ZNF675: variants seen among roughly 807,000 people sequenced by gnomAD.
The protein encoded by ZNF675 is TRAF6 inhibitory zinc finger.
ZNF675 carries 36 observed loss-of-function variants against 56.1 expected under a neutral mutation model. The observed-to-expected ratio is 0.64, with a 90% CI of 0.49 to 0.85. The LOEUF (loss-of-function observed/expected upper bound fraction) is 0.85. ZNF675 is among the 40% of genes least tolerant of loss of function. The pLI is 0.00. For missense variants in ZNF675, 663 were observed against 654.2 expected (o/e 1.01, Z -0.15); for synonymous variants, 200 against 218.9 (o/e 0.91, Z 0.76).
At position 23,654,687 on chromosome 19, in the gene ZNF675, G is replaced by C; in HGVS notation, c.246C>G (p.Ala82=). The change falls in exon 4 of 4, where the codon GCC becomes GCG. Residue 82 remains alanine (A), a synonymous_variant. Coordinates refer to ENST00000359788, the MANE Select transcript of ZNF675 (RefSeq NM_138330.3). ...NEPPVMCSHF[A]QEFWPEQNIK... is the part of the protein sequence containing the mutation. ...TGTTCTGCTCTGGCCAAAACTCTTG[G>C]GCAAAATGAGAACACATTACTGAAA... 1 of 1,528,334 alleles carries C rather than the reference G, an allele frequency of 6.5e-7. No individual in the cohort carries two copies. The highest frequency in any genetic ancestry group is 1.3e-5 in the South Asian group (1 of 75,394). The allele number at this position is 1,528,334 out of a possible 1,614,324, so 94.7% of individuals were successfully genotyped here. A position where few individuals can be genotyped will look rare whatever the true frequency, so the allele number is the denominator to read the frequency against.
At chr19:23,665,771 T>C (rs1968143459) in intron 1 of ZNF675, among the ~76,000 whole-genome samples, 1 of 152,116 alleles carries the variant, frequency 6.6e-6, no homozygotes, top group Non-Finnish European at 1.5e-5. Flanking sequence ...AGTGCTGGGA[T>C]TAAAGGCATG....
intron 1 of ZNF675, among the ~76,000 whole-genome samples, chr19:23,664,249 T>C (rs189328221): frequency 2.8e-4 from 43 of 152,246 alleles, no homozygotes; most frequent in African/African-American, 9.6e-4. Flanking sequence ...TCACATGCGA[T>C]TCTCTGGACA....
At chr19:23,661,132 T>C (rs377664738) in intron 3 of ZNF675, among the ~76,000 whole-genome samples, 1 of 152,008 alleles carries the variant, frequency 6.6e-6, no homozygotes, top group Non-Finnish European at 1.5e-5. Flanking sequence ...GGTTTCACCA[T>C]GTTAGCCAGG....
chr19:23,684,653 A>T (rs992708573), intron 1 of ZNF675, among the ~76,000 whole-genome samples: 1 of 152,068 alleles, frequency 6.6e-6, no homozygotes, highest in Non-Finnish European at 1.5e-5. Context: ...TCAAAAAAAA[A>T]AGAAAACAGG....
intron 1 of ZNF675, among the ~76,000 whole-genome samples, chr19:23,669,442 G>A (rs1017500808): frequency 1.3e-5 from 2 of 151,542 alleles, no homozygotes; most frequent in African/African-American, 4.8e-5. Flanking sequence ...ATAAGTCAGA[G>A]GGTCCAAGCA....
At chr19:23,663,617 CT>C (rs1968111139) in intron 1 of ZNF675, among the ~76,000 whole-genome samples, 1 of 152,094 alleles carries the variant, frequency 6.6e-6, no homozygotes, top group African/African-American at 2.4e-5. Context: ...ACGAGAATGG[CT>C]TGAACCTGGG....
intron 1 of ZNF675, among the ~76,000 whole-genome samples, chr19:23,675,798 T>C (rs2144946218): frequency 6.6e-6 from 1 of 151,142 alleles, no homozygotes; most frequent in South Asian, 2.1e-4. Context: ...ATGAGAGAAG[T>C]GAGAGCAAAT....
intron 1 of ZNF675, among the ~76,000 whole-genome samples, chr19:23,680,080 G>A (rs992777436): frequency 8.6e-5 from 13 of 151,228 alleles, no homozygotes; most frequent in Admixed American, 2.0e-4. Context: ...AGGCCTAGGC[G>A]GGCAGATCAC....
In ZNF675 at chr19:23,687,092, C is replaced by T. The variant is rs963605909; in HGVS notation, c.-59G>A. The T allele has an allele frequency of 6.2e-7, 1 of 1,603,610 alleles. No individual in the cohort carries two copies. Among genetic ancestry groups the T allele is most frequent in the African/African-American group, 1.3e-5 (1 of 74,804 alleles). ...TGTGGATCTCTCAATTTCTGCAGGT[C>T]ACAGGCCCACAGAGGCTGGACCTCT... On this transcript the variant is annotated 5_prime_UTR_variant, in exon 1 of 4. Transcript: ENST00000359788.
Position 23,653,871 on chromosome 19 carries a change from T to C in ZNF675, c.1062A>G (p.Lys354=). The change falls in exon 4 of 4, where the codon AAA becomes AAG. Residue 354 remains lysine, a synonymous_variant. Transcript: ENST00000359788. ...TATGAATGTTTTTATGTTCAGTAAG[T>C]TTTGAGGATCGGTTAAAAGCTTTTC... ...ECGKAFNRSS[K]LTEHKNIHTG... is the part of the protein sequence containing the mutation. 1.2e-6 allele frequency: 2 copies of C among 1,613,578 alleles called. No homozygotes were observed. The highest frequency in any genetic ancestry group is 1.3e-5 in the African/African-American group (1 of 74,928).
intron 1 of ZNF675, among the ~76,000 whole-genome samples, chr19:23,666,788 CT>C (rs1968157086): frequency 9.3e-6 from 1 of 107,370 alleles, no homozygotes; most frequent in Non-Finnish European, 2.2e-5. Flanking sequence ...CTCTTTCTCT[CT>C]CTTTCTCTCT....
At chr19:23,664,798 CAA>C (rs201316772) in intron 1 of ZNF675, among the ~76,000 whole-genome samples, 1,703 of 151,638 alleles carry the variant, frequency 0.011, 35 homozygotes, top group African/African-American at 0.038. Flanking sequence ...TAAAAATACA[CAA>C]ATTAGCCAGG....
At chr19:23,676,243 G>C (rs1422986027) in intron 1 of ZNF675, among the ~76,000 whole-genome samples, 1 of 151,670 alleles carries the variant, frequency 6.6e-6, no homozygotes, top group Non-Finnish European at 1.5e-5. Context: ...CCCAGGACCA[G>C]ACGGACTTAC....
In ZNF675 at chr19:23,653,350, A is replaced by G; in HGVS notation, c.1583T>C (p.Ile528Thr). Residue 528 changes from isoleucine to threonine, a missense_variant, in exon 4 of 4, where the codon ATA (isoleucine) becomes ACA (threonine). By Grantham distance (89) the Ile-to-Thr change is moderately conservative (BLOSUM62 -1). Around this residue, in one of 3 missense-constraint regions of ZNF675, gnomAD observed 617 missense variants for 590.5 expected, o/e 1.04. Transcript: ENST00000359788. ...SRSSKLTEHK[I>T]IHTGEKPYKC... ...ATAGGGTTTCTCTCCAGTATGAATT[A>G]TCTTATGTTCAGTAAGTTTTGAGGA... The G allele has an allele frequency of 6.2e-7, 1 of 1,613,296 alleles. No individual in the cohort carries two copies. Among genetic ancestry groups the G allele is most frequent in the Non-Finnish European group, 8.5e-7 (1 of 1,179,848 alleles).
chr19:23,653,782 G>A lies in ZNF675; in HGVS notation c.1151C>T (p.Thr384Met), dbSNP rs200866824. 1.7e-4 allele frequency: 275 copies of A among 1,613,616 alleles called. 1 individual carries two copies. The highest frequency in any genetic ancestry group is 2.1e-4 in the Non-Finnish European group (252 of 1,179,908). The change falls in exon 4 of 4, where the codon ACG becomes ATG. Residue 384 changes from threonine (T) to methionine (M), a missense_variant. Around this residue, in one of 3 missense-constraint regions of ZNF675, gnomAD observed 617 missense variants for 590.5 expected, o/e 1.04. Transcript: ENST00000359788. ...TTCGGTATGAATTTTCCTATGTTCC[G>A]TAAGATTTGAGGATCGGTTAAAAGC... ...GKAFNRSSNL[T>M]EHRKIHTEEK... is the part of the protein sequence containing the mutation.
intron 1 of ZNF675, among the ~76,000 whole-genome samples, chr19:23,664,951 A>G (rs1968130436): frequency 6.6e-6 from 1 of 152,102 alleles, no homozygotes; most frequent in African/African-American, 2.4e-5. Flanking sequence ...ACTCCGTCTC[A>G]AAAACAAAAA....
At chr19:23,681,375 T>C (rs1968374307) in intron 1 of ZNF675, among the ~76,000 whole-genome samples, 1 of 151,586 alleles carries the variant, frequency 6.6e-6, no homozygotes, top group African/African-American at 2.4e-5. Context: ...GTGGTAGCTG[T>C]GGGAAAGTGG....
Position 23,687,046 on chromosome 19 carries a change from A to C in ZNF675, c.-13T>G. Reference sequence around the variant, plus strand: ...TAACTCTCACCATTTCTAGGCTTCCAGGGGGTCCTGGAGTCTTAGCTGTGG... The same window carrying C: ...TAACTCTCACCATTTCTAGGCTTCCCGGGGGTCCTGGAGTCTTAGCTGTGG... On this transcript the variant is annotated 5_prime_UTR_variant, in exon 1 of 4. Transcript: ENST00000359788. 1 of 1,613,396 alleles carries C rather than the reference A, an allele frequency of 6.2e-7. No individual in the cohort carries two copies. Among genetic ancestry groups the C allele is most frequent in the Non-Finnish European group, 8.5e-7 (1 of 1,179,586 alleles).
intron 3 of ZNF675, chr19:23,656,232 C>T (rs925753397): frequency 1.3e-5 from 2 of 152,204 alleles, no homozygotes; most frequent in Middle Eastern, 3.2e-3. Flanking sequence ...ATATTCTTGG[C>T]TCAAGGGCCA....
Sources: gnomAD v4.1 joint callset for allele counts (sites outside exome capture counted in the v4.1 genomes callset) on GRCh38, gnomAD v4.1.1 for gene constraint, gnomAD v4.1.1 regional missense constraint, MANE v1.5 for transcripts, NCBI Gene and HGNC (gene_info 2026-07-23, HGNC 2026-07-21) for gene names.